KLHL32: variants seen among roughly 807,000 people sequenced by gnomAD.
KLHL32 encodes the protein kelch-like protein 32.
KLHL32 carries 35 observed loss-of-function variants against 64.8 expected under a neutral mutation model. The ratio of observed to expected loss-of-function variants is 0.54; its 90% CI spans 0.41 to 0.72. KLHL32 has a LOEUF of 0.72. KLHL32 is among the 30% of genes least tolerant of loss of function. The pLI is 0.00. For missense variants in KLHL32, 589 were observed against 768.5 expected, an observed-to-expected ratio of 0.77 and a Z score of 2.76; for synonymous variants, 259 against 281.0, an observed-to-expected ratio of 0.92 and a Z score of 0.78.
chr6:97,107,250 G>A (rs1796542121), intron 6 of KLHL32, among the ~76,000 whole-genome samples: 3 of 151,464 alleles, frequency 2.0e-5, no homozygotes, highest in East Asian at 1.9e-4. Context: ...CCGAGATCGC[G>A]CCACTGCAGT....
intron 1 of KLHL32, among the ~76,000 whole-genome samples, chr6:96,965,514 A>T (rs540216678): frequency 6.6e-6 from 1 of 152,318 alleles, no homozygotes; most frequent in East Asian, 1.9e-4. Flanking sequence ...TTTGCTCTCC[A>T]TTCAGTTGTT....
intron 6 of KLHL32, among the ~76,000 whole-genome samples, chr6:97,113,103 C>T (rs1020657450): frequency 6.6e-6 from 1 of 151,994 alleles, no homozygotes; most frequent in East Asian, 1.9e-4. Flanking sequence ...AACAAATTTC[C>T]AGTATCTTAC....
At chr6:97,051,128 A>G (rs901150263) in intron 4 of KLHL32, among the ~76,000 whole-genome samples, 5 of 152,224 alleles carry the variant, frequency 3.3e-5, no homozygotes, top group African/African-American at 1.2e-4. Context: ...CTGAGGTCGT[A>G]TGTACAGATC....
intron 3 of KLHL32, among the ~76,000 whole-genome samples, chr6:96,998,028 G>A (rs1388877297): frequency 6.6e-6 from 1 of 152,140 alleles, no homozygotes; most frequent in Non-Finnish European, 1.5e-5. Flanking sequence ...ATAAATGGCA[G>A]CATAACATTG....
intron 2 of KLHL32, among the ~76,000 whole-genome samples, chr6:96,968,929 T>A (rs187951240): frequency 2.2e-4 from 33 of 152,276 alleles, no homozygotes; most frequent in Admixed American, 2.2e-3. Flanking sequence ...AGACCATTAC[T>A]CCACAAATTG....
rs1798568556 is a variant in KLHL32, at chr6:97,123,456, T to G, written c.1355-3948T>G. Reference sequence around the variant, plus strand: ...TAGCATGGTGGTAACTTTTCATTCCTTCTGGCAGTTTTTAAAGACTTATTT... The same window carrying G: ...TAGCATGGTGGTAACTTTTCATTCCGTCTGGCAGTTTTTAAAGACTTATTT... On this transcript the variant is annotated intron_variant, in intron 7 of 10. Coordinates refer to ENST00000369261, the MANE Select transcript of KLHL32 (RefSeq NM_052904.4). 2.6e-5 allele frequency among the ~76,000 whole-genome samples: 4 copies of G among 152,196 alleles called. No individual in the cohort carries two copies. In the South Asian group the frequency reaches 6.2e-4, roughly 24 times the overall value.
At chr6:96,967,849 G>A (rs942139449) in intron 2 of KLHL32, among the ~76,000 whole-genome samples, 2 of 152,170 alleles carry the variant, frequency 1.3e-5, no homozygotes, top group South Asian at 4.1e-4. Context: ...GATTTGAAGG[G>A]GGGCATGCCC....
chr6:96,982,450 G>C (rs543223003), intron 3 of KLHL32, among the ~76,000 whole-genome samples: 1 of 152,238 alleles, frequency 6.6e-6, no homozygotes, highest in Admixed American at 6.5e-5. Context: ...GTCATTGCAT[G>C]TGAGATGGGT....
intron 1 of KLHL32, among the ~76,000 whole-genome samples, chr6:96,951,649 C>T (rs1327613416): frequency 2.6e-5 from 4 of 152,096 alleles, no homozygotes; most frequent in Non-Finnish European, 4.4e-5. Flanking sequence ...CTGGTATGTA[C>T]TTTGGATTGT....
intron 1 of KLHL32, among the ~76,000 whole-genome samples, chr6:96,956,269 A>G (rs1392917718): frequency 6.6e-6 from 1 of 152,200 alleles, no homozygotes; most frequent in Non-Finnish European, 1.5e-5. Flanking sequence ...CAGCCAAACC[A>G]TATCAGAAAG....
chr6:97,022,572 C>T (rs1345032602), intron 3 of KLHL32, among the ~76,000 whole-genome samples: 2 of 149,202 alleles, frequency 1.3e-5, no homozygotes, highest in Admixed American at 6.6e-5. Flanking sequence ...CAGGTTCAAG[C>T]GATTCTCCTG....
chr6:97,116,878 G>C (rs767256509), intron 7 of KLHL32, among the ~76,000 whole-genome samples: 5 of 151,916 alleles, frequency 3.3e-5, no homozygotes, highest in Non-Finnish European at 7.4e-5. Flanking sequence ...CATTTTCTTT[G>C]TTCTTCTTTT....
chr6:96,903,938 TTC>T, the KLHL32 span, among the ~76,000 whole-genome samples: 1 of 152,192 alleles, frequency 6.6e-6, no homozygotes, highest in African/African-American at 2.4e-5. Context: ...AAATTAGCAC[TTC>T]TGTCTGCCTT....
chr6:97,072,174 GAC>G (rs780281852), intron 5 of KLHL32, among the ~76,000 whole-genome samples: 2 of 152,020 alleles, frequency 1.3e-5, no homozygotes, highest in African/African-American at 2.4e-5. Flanking sequence ...CACATACACT[GAC>G]ACAGAGACCT....
intron 1 of KLHL32, among the ~76,000 whole-genome samples, chr6:96,942,859 C>T (rs1771481487): frequency 6.6e-6 from 1 of 152,158 alleles, no homozygotes; most frequent in African/African-American, 2.4e-5. Flanking sequence ...GAGAATCACT[C>T]CTTACGGCAG....
intron 3 of KLHL32, among the ~76,000 whole-genome samples, chr6:97,002,173 A>G (rs893629225): frequency 1.3e-5 from 2 of 152,170 alleles, no homozygotes. Flanking sequence ...AAGGTAGGAT[A>G]AGAACAATGT....
intron 4 of KLHL32, among the ~76,000 whole-genome samples, chr6:97,046,488 C>T (rs1020829831): frequency 1.4e-4 from 21 of 152,138 alleles, no homozygotes; most frequent in Non-Finnish European, 2.9e-4. Flanking sequence ...GTTTTCTAAA[C>T]TTGGAAACTG....
chr6:97,069,159 T>C (rs1582916238), intron 5 of KLHL32, among the ~76,000 whole-genome samples: 1 of 152,144 alleles, frequency 6.6e-6, no homozygotes, highest in South Asian at 2.1e-4. Context: ...CCCAAATTCT[T>C]ACTATTCTTC....
intron 1 of KLHL32, among the ~76,000 whole-genome samples, chr6:96,928,219 G>T (rs1298509666): frequency 1.3e-5 from 2 of 152,142 alleles, no homozygotes; most frequent in African/African-American, 4.8e-5. Flanking sequence ...GTAGTAGGGG[G>T]ATTAGTGCTG....
Sources: allele counts gnomAD v4.1 joint callset (sites outside exome capture counted in the v4.1 genomes callset), GRCh38; gene constraint gnomAD v4.1.1; transcripts MANE v1.5; gene names NCBI Gene and HGNC (gene_info 2026-07-23, HGNC 2026-07-21).